The following LMBR1 variants were observed in gnomAD, a reference collection of about 807,000 sequenced individuals.
LMBR1 encodes limb region 1 protein homolog.
Under a neutral mutation model 73.9 loss-of-function variants are expected in LMBR1, and 52 were observed. That is an observed-to-expected ratio of 0.70 (90% CI 0.56 to 0.89). The LOEUF (loss-of-function observed/expected upper bound fraction) is 0.89, where lower values mean the gene tolerates loss of function less well. Ranked by LOEUF, LMBR1 falls within the 40% of genes least tolerant of loss-of-function variation. The pLI is 0.00. For synonymous variants in LMBR1, 215 were observed against 209.4 expected (o/e 1.03, Z -0.23); for missense variants, 539 against 579.8 (o/e 0.93, Z 0.72).
Position 156,704,649 on chromosome 7 carries a change from T to C in LMBR1, c.1226-16458A>G, listed in dbSNP as rs368608773. 8.3e-5 allele frequency among the ~76,000 whole-genome samples: 12 copies of C among 144,908 alleles called. No homozygotes were observed. The South Asian group carries it at 2.6e-3, about 31-fold the overall frequency. ...GCCAGATTAAAGCTCAAAATACTAA[T>C]TTCAAACAAGCTCAATGAGATGTAA... On this transcript the variant is annotated intron_variant, in intron 15 of 16. Transcript: ENST00000353442.
chr7:156,888,271 G>A (rs181714088), intron 1 of LMBR1, among the ~76,000 whole-genome samples: 3 of 151,982 alleles, frequency 2.0e-5, no homozygotes, highest in Admixed American at 6.6e-5. Context: ...TTAGCTGGGC[G>A]TGGTGGCGGG....
intron 2 of LMBR1, among the ~76,000 whole-genome samples, chr7:156,835,805 C>T (rs1000979199): frequency 6.6e-6 from 1 of 152,088 alleles, no homozygotes; most frequent in Non-Finnish European, 1.5e-5. Context: ...CCTCATCACT[C>T]TCCCACCACT....
chr7:156,831,040 G>A (rs1586092059), intron 3 of LMBR1, among the ~76,000 whole-genome samples: 1 of 152,204 alleles, frequency 6.6e-6, no homozygotes, highest in South Asian at 2.1e-4. Flanking sequence ...AGGAAGACTG[G>A]AAATGGGGAG....
At chr7:156,751,321 G>T (rs1280955138) in intron 9 of LMBR1, among the ~76,000 whole-genome samples, 1 of 152,224 alleles carries the variant, frequency 6.6e-6, no homozygotes, top group Admixed American at 6.5e-5. Flanking sequence ...TCCACGAAAG[G>T]GTATTTAGGT....
At chr7:156,674,865 A>C (rs1803457857), downstream of LMBR1, among the ~76,000 whole-genome samples, 1 of 152,224 alleles carries the variant, frequency 6.6e-6, no homozygotes, top group Non-Finnish European at 1.5e-5. Flanking sequence ...TATGGGACAG[A>C]GCTGATCCTG....
At chr7:156,693,361 T>C (rs988443036) in intron 15 of LMBR1, among the ~76,000 whole-genome samples, 2 of 144,760 alleles carry the variant, frequency 1.4e-5, no homozygotes, top group African/African-American at 5.4e-5. Context: ...ATTAGAAAAA[T>C]CAACAAGAGT....
At chr7:156,724,297 T>G (rs1815253387) in intron 14 of LMBR1, 119 bp from the exon 15 acceptor site, 1 of 669,404 alleles carries the variant, frequency 1.5e-6, no homozygotes, top group Non-Finnish European at 2.6e-6. Flanking sequence ...TGCCGATTTC[T>G]TAATGATACT....
chr7:156,849,164 T>C (rs1410948443), intron 1 of LMBR1, among the ~76,000 whole-genome samples: 23 of 152,092 alleles, frequency 1.5e-4, no homozygotes, highest in Non-Finnish European at 2.9e-5. Context: ...TACCATGGAA[T>C]AGTATGCAGC....
intron 4 of LMBR1, among the ~76,000 whole-genome samples, chr7:156,671,420 AG>A: frequency 6.6e-6 from 1 of 152,224 alleles, no homozygotes; most frequent in Non-Finnish European, 1.5e-5. Context: ...ACCTGACGAA[AG>A]AGATTCTAAA....
At chr7:156,877,890 A>G (rs932312651) in intron 1 of LMBR1, among the ~76,000 whole-genome samples, 15 of 152,238 alleles carry the variant, frequency 9.9e-5, no homozygotes, top group Non-Finnish European at 2.1e-4. Flanking sequence ...TCAAAAAAAA[A>G]AAAAAAAATA....
chr7:156,762,289 T>C (rs1823205813), intron 7 of LMBR1, 91 bp from the exon 8 acceptor site: 4 of 777,690 alleles, frequency 5.1e-6, no homozygotes, highest in Non-Finnish European at 6.7e-6. Context: ...TAAGGGAAAT[T>C]CAAGGATTAT....
intron 5 of LMBR1, among the ~76,000 whole-genome samples, chr7:156,780,005 G>A (rs1472248367): frequency 3.9e-5 from 6 of 152,096 alleles, no homozygotes; most frequent in African/African-American, 1.4e-4. Context: ...TTTAAGCCAT[G>A]AAAAAACTAC....
chr7:156,886,674 C>G (rs1801958800), intron 1 of LMBR1, among the ~76,000 whole-genome samples: 1 of 152,130 alleles, frequency 6.6e-6, no homozygotes, highest in Admixed American at 6.5e-5. Flanking sequence ...CTTAATATTG[C>G]TTATCTGGAG....
At chr7:156,688,007 A>G in intron 16 of LMBR1, 23 bp downstream of exon 16, 1 of 1,532,624 alleles carries the variant, frequency 6.5e-7, no homozygotes, top group Non-Finnish European at 8.7e-7. Flanking sequence ...AGAGGAAAAA[A>G]TACCCATAAA....
intron 5 of LMBR1, among the ~76,000 whole-genome samples, chr7:156,765,048 A>G (rs1823828439): frequency 6.6e-6 from 1 of 152,214 alleles, no homozygotes; most frequent in African/African-American, 2.4e-5. Flanking sequence ...ATTTTAACAC[A>G]TGAGATCTCA....
chr7:156,748,087 G>A (rs1183213148), intron 9 of LMBR1: 1 of 152,114 alleles, frequency 6.6e-6, no homozygotes, highest in Non-Finnish European at 1.5e-5. Flanking sequence ...CTGTATCTAT[G>A]TCTATTCCAC....
rs140622178 is a variant in LMBR1, at chr7:156,721,081, A to G, written c.1225+3031T>C. 2.2e-4 allele frequency among the ~76,000 whole-genome samples: 34 copies of G among 152,266 alleles called. No homozygotes were observed. The East Asian group carries it at 6.5e-3, about 29-fold the overall frequency. Reference sequence around the variant, plus strand: ...ATGAGAAATATGTGAAAATACTGAAAATAAATTCAAGCTGATTTGAAAGAG... The same window carrying G: ...ATGAGAAATATGTGAAAATACTGAAGATAAATTCAAGCTGATTTGAAAGAG... On this transcript the variant is annotated intron_variant, in intron 15 of 16. Coordinates refer to ENST00000353442, the MANE Select transcript of LMBR1 (RefSeq NM_022458.4).
intron 1 of LMBR1, among the ~76,000 whole-genome samples, chr7:156,853,952 G>A (rs1796591943): frequency 6.9e-6 from 1 of 145,276 alleles, no homozygotes; most frequent in South Asian, 2.2e-4. Flanking sequence ...ATCGTGCCTG[G>A]CCCACATAGA....
chr7:156,847,018 A>C (rs1586198742), intron 1 of LMBR1, among the ~76,000 whole-genome samples: 1 of 152,320 alleles, frequency 6.6e-6, no homozygotes, highest in East Asian at 1.9e-4. Context: ...GACACTACCC[A>C]GTTTCAAAAC....
Sources: allele counts gnomAD v4.1 joint callset (sites outside exome capture counted in the v4.1 genomes callset), GRCh38; gene constraint gnomAD v4.1.1; transcripts MANE v1.5; gene names NCBI Gene and HGNC (gene_info 2026-07-23, HGNC 2026-07-21).